Variants in MARCO observed in about 807,000 individuals in gnomAD.
MARCO encodes the protein macrophage receptor MARCO.
In MARCO, 72 loss-of-function variants were observed where a neutral mutation model predicts 70.0. That is an observed-to-expected ratio of 1.03 (90% CI 0.85 to 1.25). MARCO has a LOEUF of 1.25. Ranked by LOEUF, MARCO falls within the 50% of genes most tolerant of loss-of-function variation. The pLI is 0.00. For synonymous variants in MARCO, 273 were observed against 243.1 expected (o/e 1.12, Z -1.14); for missense variants, 696 against 659.3 (o/e 1.06, Z -0.61).
rs1410653069 is a variant in MARCO, at chr2:118,973,582, C to G, written c.461-751C>G. On this transcript the variant is annotated intron_variant, in intron 4 of 16. Transcript: ENST00000327097. The stretch of plus-strand genomic sequence containing the variant: ...TTCTCTCCCCTTCCCCATGGCTTGC[C>G]TTGCCTGGTCAAGACTTCCCAGAGG... 2.0e-5 allele frequency among the ~76,000 whole-genome samples: 3 copies of G among 152,300 alleles called. No individual in the cohort carries two copies. In the East Asian group the frequency reaches 5.8e-4, roughly 29 times the overall value.
chr2:118,960,802 A>G (rs1679928454), intron 1 of MARCO, among the ~76,000 whole-genome samples: 1 of 152,104 alleles, frequency 6.6e-6, no homozygotes, highest in Non-Finnish European at 1.5e-5. Context: ...AGGTAAATGT[A>G]TGCCATGGTG....
At chr2:118,972,332 T>C (rs1680189588) in intron 4 of MARCO, among the ~76,000 whole-genome samples, 1 of 152,214 alleles carries the variant, frequency 6.6e-6, no homozygotes, top group Non-Finnish European at 1.5e-5. Flanking sequence ...TACATGCCAT[T>C]TTTGGGACAG....
In MARCO at chr2:118,970,321, A is replaced by G; in HGVS notation, c.407A>G (p.Asn136Ser). 1 of 1,613,092 alleles carries G rather than the reference A, an allele frequency of 6.2e-7. No homozygotes were observed. Among genetic ancestry groups the G allele is most frequent in the South Asian group, 1.1e-5 (1 of 90,882 alleles). Residue 136 changes from asparagine (N) to serine (S), a missense_variant, in exon 3 of 17, where the codon AAC becomes AGC. Around this residue, in one of 3 missense-constraint regions of MARCO, gnomAD observed 605 missense variants for 537.6 expected, o/e 1.13. Transcript: ENST00000327097. ...SHEHLLQRVD[N>S]FTQNPGMFRI... Reference sequence around the variant, plus strand: ...GAGCACTTGCTGCAGCGGGTAGACAACTTCACTCAGAACCCAGGTTTGGCC... The same window carrying G: ...GAGCACTTGCTGCAGCGGGTAGACAGCTTCACTCAGAACCCAGGTTTGGCC...
intron 7 of MARCO, 74 bp downstream of exon 7, chr2:118,977,589 C>A: frequency 7.5e-7 from 1 of 1,339,574 alleles, no homozygotes; most frequent in East Asian, 2.4e-5. Context: ...CCCCACCCCC[C>A]ATCCTCTTTC....
intron 16 of MARCO, 40 bp downstream of exon 16, chr2:118,993,340 G>C: frequency 6.3e-7 from 1 of 1,598,876 alleles, no homozygotes; most frequent in South Asian, 1.1e-5. Flanking sequence ...CCCCAGAGGT[G>C]TGGATGTGGC....
intron 1 of MARCO, among the ~76,000 whole-genome samples, chr2:118,961,143 T>C (rs560483753): frequency 6.6e-6 from 1 of 152,350 alleles, no homozygotes; most frequent in African/African-American, 2.4e-5. Context: ...CTATCATTGA[T>C]GGACGTTTGG....
At position 118,965,741 on chromosome 2, in the gene MARCO, G is replaced by A. The variant is rs372017879; in HGVS notation, c.98-3419G>A. Among the ~76,000 whole-genome samples the A allele has an allele frequency of 1.5e-4, 23 of 152,312 alleles. No individual in the cohort carries two copies. In the East Asian group the frequency reaches 3.5e-3, roughly 23 times the overall value. On this transcript the variant is annotated intron_variant, in intron 1 of 16. Coordinates refer to ENST00000327097, the MANE Select transcript of MARCO (RefSeq NM_006770.4). ...TTATTATGTAGGTTCTGGCCTACTT[G>A]TGTGGGCTATGGTACAATGACAATT...
chr2:118,944,379 A>G (rs906953310), intron 1 of MARCO, among the ~76,000 whole-genome samples: 2 of 152,206 alleles, frequency 1.3e-5, no homozygotes, highest in African/African-American at 4.8e-5. Context: ...GAAGAGTGCC[A>G]TTATGCAGGT....
intron 12 of MARCO, 21 bp from the exon 13 acceptor site, chr2:118,990,568 C>T (rs564748046): frequency 1.1e-5 from 18 of 1,583,654 alleles, no homozygotes; most frequent in South Asian, 5.5e-5. Flanking sequence ...CTCCCCCCCC[C>T]CTTTTTTGTT....
chr2:118,950,551 C>T lies in MARCO; in HGVS notation c.97+8154C>T, dbSNP rs114949775. 5.5e-3 allele frequency among the ~76,000 whole-genome samples: 835 copies of T among 152,270 alleles called. 14 individuals carry two copies. The highest frequency in any genetic ancestry group is 0.018 in the African/African-American group (768 of 41,540). The stretch of plus-strand genomic sequence containing the variant: ...AGTTTATTTTGCTTTCCTTACATAC[C>T]TTGCATATAAACTGTTTCTTCAATA... On this transcript the variant is annotated intron_variant, in intron 1 of 16. Transcript: ENST00000327097.
Position 118,993,315 on chromosome 2 carries a change from A to C in MARCO, c.1429+15A>C. On this transcript the variant is annotated intron_variant, in intron 16 of 16. Coordinates refer to ENST00000327097, the MANE Select transcript of MARCO (RefSeq NM_006770.4). ...AGTGGGAGCTGGTAAGTGAGTCATC[A>C]GCCGGGGGCCTCTTCCCCAGAGGTG... The C allele has an allele frequency of 6.2e-7, 1 of 1,613,432 alleles. No homozygotes were observed. The highest frequency in any genetic ancestry group is 8.5e-7 in the Non-Finnish European group (1 of 1,179,626).
Position 118,970,256 on chromosome 2 carries a change from AGTCCTGCAGGCCCAACTCACCTGG to A in MARCO, c.347_370del (p.Leu116_Val123del), listed in dbSNP as rs1680138937. 1 of 1,613,988 alleles carries A rather than the reference AGTCCTGCAGGCCCAACTCACCTGG, an allele frequency of 6.2e-7. No homozygotes were observed. Among genetic ancestry groups the A allele is most frequent in the African/African-American group, 1.3e-5 (1 of 74,910 alleles). Reference sequence around the variant, plus strand: ...TGGCTCAGGGTGCATCGAGGCTGCAAGTCCTGCAGGCCCAACTCACCTGGGTCCGCGTCAGCCATGAGCACTTGC... The same window carrying A: ...TGGCTCAGGGTGCATCGAGGCTGCAAGTCCGCGTCAGCCATGAGCACTTGC... On this transcript the variant is annotated inframe_deletion, in exon 3 of 17. Transcript: ENST00000327097.
intron 12 of MARCO, among the ~76,000 whole-genome samples, chr2:118,982,779 C>T (rs1416160113): frequency 6.6e-6 from 1 of 152,188 alleles, no homozygotes; most frequent in Non-Finnish European, 1.5e-5. Context: ...AGTCTAGATT[C>T]AGGCTGGAGG....
intron 15 of MARCO, 190 bp from the exon 16 acceptor site, chr2:118,992,934 A>G: frequency 1.7e-6 from 1 of 580,688 alleles, no homozygotes. Context: ...TGCAGGCCCC[A>G]GGTGCATGGA....
At position 118,942,388 on chromosome 2, in the gene MARCO, G is replaced by A. The variant is rs771963608; in HGVS notation, c.88G>A (p.Glu30Lys). 3.8e-5 allele frequency: 62 copies of A among 1,611,296 alleles called. 1 individual carries two copies. Among genetic ancestry groups the A allele is most frequent in the South Asian group, 1.1e-4 (10 of 91,004 alleles). ...TCACCAAATTGCAATGGAGCCTTTCGAAATCAATGGTAAAGTACGATTCCC... is the reference window on the plus strand; with the variant it reads ...TCACCAAATTGCAATGGAGCCTTTCAAAATCAATGGTAAAGTACGATTCCC... ...AFHQIAMEPFEINVPKPKRRN... is the reference protein window; with the variant it reads ...AFHQIAMEPFKINVPKPKRRN... Residue 30 changes from glutamate (E) to lysine (K), a missense_variant, in exon 1 of 17, where the codon GAA (glutamate) becomes AAA (lysine). Glu to Lys is a moderately conservative substitution (Grantham distance 56, BLOSUM62 1). This residue lies in a region of MARCO where 605 missense variants were observed against 537.6 expected (regional missense o/e 1.13). Coordinates refer to ENST00000327097, the MANE Select transcript of MARCO (RefSeq NM_006770.4).
rs568112358 is a variant in MARCO, at chr2:118,951,638, G to A, written c.97+9241G>A. On this transcript the variant is annotated intron_variant, in intron 1 of 16. Transcript: ENST00000327097. ...GGTTGTCAGTGGCCTCAGTGCTTTC[G>A]GGCTACGCCCCTGTTTACACTGACA... Among the ~76,000 whole-genome samples, 21 of 152,334 alleles carry A rather than the reference G, an allele frequency of 1.4e-4. No individual in the cohort carries two copies. In the South Asian group the frequency reaches 1.9e-3, roughly 14 times the overall value.
intron 1 of MARCO, among the ~76,000 whole-genome samples, chr2:118,945,404 C>CTTTTTTTTTTTTTTTTT (rs55684033): frequency 2.4e-5 from 3 of 123,066 alleles, no homozygotes. Flanking sequence ...CCTCTTGTTT[C>CTTTTTTTTTTTTTTTTT]TTTTTTTTTT....
chr2:118,954,704 C>T (rs1203421862), intron 1 of MARCO, among the ~76,000 whole-genome samples: 1 of 152,188 alleles, frequency 6.6e-6, no homozygotes, highest in Non-Finnish European at 1.5e-5. Context: ...GTGCTGGTAT[C>T]CACAGCTAAG....
At chr2:118,965,462 G>A (rs899493843) in intron 1 of MARCO, among the ~76,000 whole-genome samples, 1 of 152,146 alleles carries the variant, frequency 6.6e-6, no homozygotes, top group South Asian at 2.1e-4. Flanking sequence ...TTCAAGAATA[G>A]TTTTAATTGC....
Sources: gnomAD v4.1 joint callset for allele counts (sites outside exome capture counted in the v4.1 genomes callset) on GRCh38, gnomAD v4.1.1 for gene constraint, gnomAD v4.1.1 regional missense constraint, MANE v1.5 for transcripts, NCBI Gene and HGNC (gene_info 2026-07-23, HGNC 2026-07-21) for gene names.